Variants in XKR5 observed in about 807,000 individuals in gnomAD.
The protein encoded by XKR5 is XK related 5.
XKR5 carries 46 observed loss-of-function variants against 40.8 expected under a neutral mutation model. The observed-to-expected ratio is 1.13, with a 90% CI of 0.89 to 1.44. The LOEUF (loss-of-function observed/expected upper bound fraction) is 1.44, where lower values mean the gene tolerates loss of function less well. Ranked by LOEUF, XKR5 falls within the 40% of genes most tolerant of loss-of-function variation. The pLI, the probability that XKR5 is intolerant of heterozygous loss-of-function variation, is 0.00. For missense variants in XKR5, 1,169 were observed against 844.7 expected, an observed-to-expected ratio of 1.38 and a Z score of -4.76; for synonymous variants, 466 against 356.1, an observed-to-expected ratio of 1.31 and a Z score of -3.48.
chr8:6,815,931 G>T lies in XKR5; in HGVS notation c.808-13C>A. On this transcript the variant is annotated splice_polypyrimidine_tract_variant and intron_variant, in intron 5 of 6. Coordinates refer to ENST00000618742, the MANE Select transcript of XKR5 (RefSeq NM_207411.5). ...CCAACAGCATGACCTGCGGGACCCA[G>T]GACAGAGGCACCACACCTCGTCAGG... 3 of 1,578,958 alleles carry T rather than the reference G, an allele frequency of 1.9e-6. No individual in the cohort carries two copies. The highest frequency in any genetic ancestry group is 1.7e-4 in the Middle Eastern group (1 of 5,996).
intron 5 of XKR5, 128 bp from the exon 6 acceptor site, chr8:6,816,046 T>A: frequency 1.5e-6 from 1 of 662,604 alleles, no homozygotes. Flanking sequence ...TCCAGGCTGC[T>A]GAGGAGTACC....
At chr8:6,815,104 G>A (rs375150784) in intron 6 of XKR5, among the ~76,000 whole-genome samples, 2 of 152,212 alleles carry the variant, frequency 1.3e-5, no homozygotes, top group African/African-American at 4.8e-5. Context: ...TGGCTTTGAC[G>A]GTCCCACCGC....
At position 6,832,903 on chromosome 8, in the gene XKR5, G is replaced by C. The variant is rs1442935164; in HGVS notation, c.59-3C>G. The C allele has an allele frequency of 8.3e-6, 13 of 1,559,044 alleles. No individual in the cohort carries two copies. Among genetic ancestry groups the C allele is most frequent in the Non-Finnish European group, 1.1e-5 (13 of 1,156,300 alleles). On this transcript the variant is annotated splice_region_variant and splice_polypyrimidine_tract_variant and intron_variant, in intron 1 of 6. Coordinates refer to ENST00000618742, the MANE Select transcript of XKR5 (RefSeq NM_207411.5). ...GTAGTAAGCCACGGTGTAAAGGCCT[G>C]GGTGAGAAGGGGAAAGGCAAGCAGG...
chr8:6,823,476 A>G (rs1563356371), intron 4 of XKR5, 45 bp downstream of exon 4: 1 of 1,544,046 alleles, frequency 6.5e-7, no homozygotes, highest in Non-Finnish European at 8.8e-7. Context: ...TTCTGGGTTG[A>G]TTGGTTATGC....
Position 6,819,924 on chromosome 8 carries a change from C to T in XKR5, c.807+1945G>A, listed in dbSNP as rs538755849. Among the ~76,000 whole-genome samples, 200 of 151,010 alleles carry T rather than the reference C, an allele frequency of 1.3e-3. 2 individuals carry two copies. The South Asian group carries it at 0.038, about 29-fold the overall frequency. On this transcript the variant is annotated intron_variant, in intron 5 of 6. Coordinates refer to ENST00000618742, the MANE Select transcript of XKR5 (RefSeq NM_207411.5). Reference sequence around the variant, plus strand: ...CCTTCTTTCTCTGCTCTCTTGCCCCCGATGTCTGTTTCATTTATTGTAAAT... The same window carrying T: ...CCTTCTTTCTCTGCTCTCTTGCCCCTGATGTCTGTTTCATTTATTGTAAAT...
chr8:6,818,553 T>C (rs1334595897), intron 5 of XKR5, among the ~76,000 whole-genome samples: 1 of 152,218 alleles, frequency 6.6e-6, no homozygotes, highest in Non-Finnish European at 1.5e-5. Flanking sequence ...TATATTACAT[T>C]CAGAAGTGAT....
intron 2 of XKR5, among the ~76,000 whole-genome samples, chr8:6,831,685 GC>G (rs1804770550): frequency 6.6e-6 from 1 of 151,938 alleles, no homozygotes; most frequent in Non-Finnish European, 1.5e-5. Flanking sequence ...GAGCTGCAGG[GC>G]TTCACCGCTC....
intron 5 of XKR5, among the ~76,000 whole-genome samples, chr8:6,817,773 C>T (rs920899488): frequency 1.3e-5 from 2 of 152,208 alleles, no homozygotes; most frequent in African/African-American, 4.8e-5. Flanking sequence ...GAACTGTCTC[C>T]TCAAGTACCC....
rs1415723208 is a variant in XKR5, at chr8:6,811,778, T to C, written c.1481A>G (p.Gln494Arg). Residue 494 changes from glutamine to arginine, a missense_variant, in exon 7 of 7, where the codon CAG (glutamine) becomes CGG (arginine). Gln to Arg is a conservative substitution (Grantham distance 43). Transcript: ENST00000618742. ...TSSYVSFASD[Q>R]QDEAPTQNPA... is the part of the protein sequence containing the mutation. Reference sequence around the variant, plus strand: ...GTTCTGGGTAGGTGCTTCATCCTGCTGATCGCTGGCAAAAGATACGTAACT... The same window carrying C: ...GTTCTGGGTAGGTGCTTCATCCTGCCGATCGCTGGCAAAAGATACGTAACT... 3.3e-6 allele frequency: 5 copies of C among 1,537,680 alleles called. No individual in the cohort carries two copies. The highest frequency in any genetic ancestry group is 4.4e-6 in the Non-Finnish European group (5 of 1,147,026).
intron 5 of XKR5, among the ~76,000 whole-genome samples, chr8:6,816,216 G>A (rs1357677047): frequency 6.6e-6 from 1 of 152,170 alleles, no homozygotes; most frequent in Non-Finnish European, 1.5e-5. Context: ...AGTCATTATG[G>A]GCTGAGAGGG....
In XKR5 at chr8:6,823,689, G is replaced by C. The variant is rs774620664; in HGVS notation, c.469C>G (p.Leu157Val). ...CCCATGAAGCGAGTGTAGGACACCA[G>C]TGCCCAGGAGAGTGAGGACCAGGAA... ...LFSWSSLSWALVSYTRFMGFM... is the reference protein window; with the variant it reads ...LFSWSSLSWAVVSYTRFMGFM... Residue 157 changes from leucine (L) to valine (V), a missense_variant, in exon 4 of 7, where the codon CTG becomes GTG. By Grantham distance (32) the Leu-to-Val change is conservative. Transcript: ENST00000618742. The C allele has an allele frequency of 1.3e-6, 2 of 1,590,190 alleles. No homozygotes were observed. Among genetic ancestry groups the C allele is most frequent in the East Asian group, 4.6e-5 (2 of 43,632 alleles).
Position 6,815,810 on chromosome 8 carries a change from T to G in XKR5, c.916A>C (p.Ile306Leu). The G allele has an allele frequency of 6.3e-7, 1 of 1,595,802 alleles. No individual in the cohort carries two copies. Among genetic ancestry groups the G allele is most frequent in the Non-Finnish European group, 8.5e-7 (1 of 1,170,366 alleles). Residue 306 changes from isoleucine to leucine, a missense_variant, in exon 6 of 7, where the codon ATT (isoleucine) becomes CTT (leucine). Physicochemically the swap from Ile to Leu is conservative, Grantham distance 5. Coordinates refer to ENST00000618742, the MANE Select transcript of XKR5 (RefSeq NM_207411.5). ...AGAAGGTGACATTGGGACTTACCAA[T>G]CAGAAATCCAGACAGGACCCCAGCT... ...TIAGVLSGFL[I>L]GSVSLVIYYS... is the part of the protein sequence containing the mutation.
intron 1 of XKR5, among the ~76,000 whole-genome samples, chr8:6,833,806 T>A (rs1804877779): frequency 6.6e-6 from 1 of 152,232 alleles, no homozygotes; most frequent in Admixed American, 6.5e-5. Context: ...GCAGAGCCTC[T>A]GGCAACAGGG....
At chr8:6,822,824 G>A (rs1804300560) in intron 4 of XKR5, among the ~76,000 whole-genome samples, 1 of 152,158 alleles carries the variant, frequency 6.6e-6, no homozygotes, top group Non-Finnish European at 1.5e-5. Context: ...GGGAGGGCTT[G>A]GATTTAGTGG....
intron 5 of XKR5, among the ~76,000 whole-genome samples, chr8:6,818,052 T>C (rs1804042281): frequency 6.6e-6 from 1 of 152,220 alleles, no homozygotes; most frequent in Non-Finnish European, 1.5e-5. Flanking sequence ...CTGTCACCTC[T>C]GCACAACTTG....
intron 4 of XKR5, 61 bp from the exon 5 acceptor site, chr8:6,822,099 G>T (rs1804267849): frequency 6.7e-7 from 1 of 1,497,298 alleles, no homozygotes; most frequent in East Asian, 2.4e-5. Context: ...GACAGGCAAG[G>T]ACACAGAGAC....
At chr8:6,822,324 C>A (rs189382012) in intron 4 of XKR5, among the ~76,000 whole-genome samples, 1 of 152,258 alleles carries the variant, frequency 6.6e-6, no homozygotes, top group East Asian at 1.9e-4. Flanking sequence ...TACCTATGAC[C>A]TTTTTATTCC....
intron 6 of XKR5, 27 bp downstream of exon 6, chr8:6,815,780 A>T: frequency 6.7e-7 from 1 of 1,485,570 alleles, no homozygotes; most frequent in Non-Finnish European, 9.2e-7. Context: ...GAGGGGATGC[A>T]GAGAAGAAGG....
At chr8:6,813,239 G>A (rs1803817645) in intron 6 of XKR5, among the ~76,000 whole-genome samples, 1 of 152,158 alleles carries the variant, frequency 6.6e-6, no homozygotes, top group South Asian at 2.1e-4. Context: ...AAAGGGAGGT[G>A]GACTTTCTCC....
Sources: gnomAD v4.1 joint callset for allele counts (sites outside exome capture counted in the v4.1 genomes callset) on GRCh38, gnomAD v4.1.1 for gene constraint, MANE v1.5 for transcripts, NCBI Gene and HGNC (gene_info 2026-07-23, HGNC 2026-07-21) for gene names.